The following LRRC58 variants were observed in gnomAD, a reference collection of about 807,000 sequenced individuals.
LRRC58 encodes leucine-rich repeat-containing protein 58.
A neutral mutation model predicts 30.6 loss-of-function variants in LRRC58; 18 were observed. That is an observed-to-expected ratio of 0.59 (90% CI 0.41 to 0.87). The LOEUF is 0.87. LRRC58 is among the 40% of genes least tolerant of loss of function. The pLI, the probability that LRRC58 is intolerant of heterozygous loss-of-function variation, is 0.00. For missense variants in LRRC58, 420 were observed against 468.4 expected (o/e 0.90, Z 0.95); for synonymous variants, 221 against 206.0 (o/e 1.07, Z -0.62).
intron 1 of LRRC58, among the ~76,000 whole-genome samples, chr3:120,348,177 C>G (rs1935998992): frequency 6.6e-6 from 1 of 152,178 alleles, no homozygotes; most frequent in Non-Finnish European, 1.5e-5. Context: ...GGAAACAGCA[C>G]GTGTACAGAG....
chr3:120,331,664 C>A (rs1235643065), intron 3 of LRRC58, among the ~76,000 whole-genome samples: 1 of 152,164 alleles, frequency 6.6e-6, no homozygotes, highest in Non-Finnish European at 1.5e-5. Flanking sequence ...TACCTAGCTT[C>A]TTTTCTCTGG....
rs1177362298 is a variant in LRRC58 at position 120,327,404 on chromosome 3, A to T, written c.*3796T>A. ...GTAGCTGGGACTACAGGCGCCCGCCATCACGCCCGGCTAATTTTTTTTTGT... is the reference window on the plus strand; with the variant it reads ...GTAGCTGGGACTACAGGCGCCCGCCTTCACGCCCGGCTAATTTTTTTTTGT... On this transcript the variant is annotated 3_prime_UTR_variant, in exon 4 of 4. Transcript: ENST00000295628. 1.3e-5 allele frequency: 2 copies of T among 151,020 alleles called. No individual in the cohort carries two copies. Among genetic ancestry groups the T allele is most frequent in the Non-Finnish European group, 3.0e-5 (2 of 67,760 alleles). The allele number at this position is 151,020 out of a possible 1,614,324, so 9.4% of individuals were successfully genotyped here.
In LRRC58 at chr3:120,349,037, G is replaced by C; in HGVS notation, c.207C>G (p.His69Gln). The C allele has an allele frequency of 2.0e-6, 3 of 1,518,350 alleles. No homozygotes were observed. Among genetic ancestry groups the C allele is most frequent in the Non-Finnish European group, 2.6e-6 (3 of 1,140,978 alleles). The allele number at this position is 1,518,350 out of a possible 1,614,324, so 94.1% of individuals were successfully genotyped here. ...TGCCGCTCACGTCCAGCAGCTGGAGGTGCGGGAAGCCGCTGCCCAGCGCCC... is the reference window on the plus strand; with the variant it reads ...TGCCGCTCACGTCCAGCAGCTGGAGCTGCGGGAAGCCGCTGCCCAGCGCCC... ...LPRALGSGFP[H>Q]LQLLDVSGNA... The change falls in exon 1 of 4, where the codon CAC (histidine) becomes CAG (glutamine). Residue 69 changes from histidine (H) to glutamine (Q), a missense_variant. His to Gln is a conservative substitution (Grantham distance 24, BLOSUM62 0). This residue lies in a region of LRRC58 where 266 missense variants were observed against 251.7 expected (regional missense o/e 1.06). Transcript: ENST00000295628.
intron 3 of LRRC58, 62 bp from the exon 4 acceptor site, chr3:120,331,470 C>T (rs1170422001): frequency 7.7e-7 from 1 of 1,293,854 alleles, no homozygotes; most frequent in African/African-American, 1.5e-5. Flanking sequence ...TCTTTTTCAG[C>T]CCTTTCTCCA....
chr3:120,341,653 ATTC>A (rs1398917540), intron 1 of LRRC58, among the ~76,000 whole-genome samples: 209 of 152,264 alleles, frequency 1.4e-3, no homozygotes, highest in Non-Finnish European at 2.5e-3. Flanking sequence ...TTCTTCTAGG[ATTC>A]CCAAGGCAAC....
chr3:120,348,672 C>T, intron 1 of LRRC58, 72 bp downstream of exon 1: 2 of 1,457,950 alleles, frequency 1.4e-6, no homozygotes, highest in Admixed American at 2.6e-5. Context: ...CGTTGAGGTG[C>T]CCAGGCCCGG....
At chr3:120,346,117 C>T (rs189203856) in intron 1 of LRRC58, among the ~76,000 whole-genome samples, 3 of 152,138 alleles carry the variant, frequency 2.0e-5, no homozygotes, top group Admixed American at 6.5e-5. Flanking sequence ...AATTAGCTGG[C>T]GTGATGGCAC....
intron 1 of LRRC58, among the ~76,000 whole-genome samples, chr3:120,345,937 A>G (rs1209041032): frequency 6.6e-6 from 1 of 152,210 alleles, no homozygotes; most frequent in East Asian, 1.9e-4. Context: ...AATCCTCCTG[A>G]TCACAAATCC....
At chr3:120,343,281 A>G (rs947879856) in intron 1 of LRRC58, among the ~76,000 whole-genome samples, 1 of 152,330 alleles carries the variant, frequency 6.6e-6, no homozygotes, top group South Asian at 2.1e-4. Flanking sequence ...CCAAATTTCT[A>G]GGGACTTGAC....
In LRRC58 at chr3:120,327,157, T is replaced by A. The variant is rs1200754661; in HGVS notation, c.*4043A>T. 6.6e-6 allele frequency: 1 copy of A among 152,110 alleles called. No individual in the cohort carries two copies. The highest frequency in any genetic ancestry group is 1.5e-5 in the Non-Finnish European group (1 of 68,018). The allele number at this position is 152,110 out of a possible 1,614,324, so 9.4% of individuals were successfully genotyped here. On this transcript the variant is annotated 3_prime_UTR_variant, in exon 4 of 4. Coordinates refer to ENST00000295628, the MANE Select transcript of LRRC58 (RefSeq NM_001099678.2). Reference sequence around the variant, plus strand: ...ACTCAATAACTTAATTTTAAAACAATTCACTATTACTTTAAAGGGCTTTCT... The same window carrying A: ...ACTCAATAACTTAATTTTAAAACAAATCACTATTACTTTAAAGGGCTTTCT...
intron 3 of LRRC58, among the ~76,000 whole-genome samples, chr3:120,334,450 A>G (rs1047466522): frequency 3.9e-4 from 60 of 152,118 alleles, no homozygotes; most frequent in African/African-American, 1.3e-3. Context: ...AGAGTTTGCA[A>G]TGAGCCGAGA....
chr3:120,331,362 GAA>G lies in LRRC58; in HGVS notation c.952_953del (p.Phe318LeufsTer33), dbSNP rs1339145785. ...CCVRQIKFVD[F>X]CGKYRLPLMH... ...TCAGTGGGAGGCGATACTTCCCACA[GAA>G]GTCCACAAATTTAATTTGTCTGACA... On this transcript the variant is annotated frameshift_variant, in exon 4 of 4. Transcript: ENST00000295628. LOFTEE classifies it high-confidence loss of function. 1.9e-6 allele frequency: 3 copies of G among 1,613,850 alleles called. No homozygotes were observed. Among genetic ancestry groups the G allele is most frequent in the Non-Finnish European group, 2.5e-6 (3 of 1,179,868 alleles).
At position 120,334,872 on chromosome 3, in the gene LRRC58, T is replaced by C. The variant is rs566009323; in HGVS notation, c.897A>G (p.Pro299=). 67 of 1,613,240 alleles carry C rather than the reference T, an allele frequency of 4.2e-5. 1 individual carries two copies. The South Asian group carries it at 7.2e-4, about 17-fold the overall frequency. ...ACTGAATTAACTTACCTCCACACTTTGGGTTTGGGCAATTGCTGGCTGAAC... is the reference window on the plus strand; with the variant it reads ...ACTGAATTAACTTACCTCCACACTTCGGGTTTGGGCAATTGCTGGCTGAAC... ...YLGSASNCPN[P]KCGGVYFDCC... is the part of the protein sequence containing the mutation. Residue 299 remains proline (P), a synonymous_variant, in exon 3 of 4, where the codon CCA becomes CCG. Transcript: ENST00000295628.
intron 1 of LRRC58, among the ~76,000 whole-genome samples, chr3:120,345,525 A>C (rs1307245848): frequency 7.2e-5 from 11 of 152,262 alleles, no homozygotes; most frequent in Admixed American, 6.5e-4. Flanking sequence ...GCATCATATT[A>C]GTAGTGAATA....
At chr3:120,344,717 C>G (rs1935945853) in intron 1 of LRRC58, among the ~76,000 whole-genome samples, 1 of 152,204 alleles carries the variant, frequency 6.6e-6, no homozygotes, top group South Asian at 2.1e-4. Flanking sequence ...AAATATCTAG[C>G]ATACTGGATT....
In LRRC58 at chr3:120,349,164, G is replaced by T; in HGVS notation, c.80C>A (p.Thr27Lys). The T allele has an allele frequency of 6.7e-7, 1 of 1,499,334 alleles. No homozygotes were observed. Among genetic ancestry groups the T allele is most frequent in the Non-Finnish European group, 8.8e-7 (1 of 1,132,854 alleles). The allele number at this position is 1,499,334 out of a possible 1,614,324, so 92.9% of individuals were successfully genotyped here. ...CCGCGCCTCCAGCTCAGACTCCAGC[G>T]TCTCGGTGGACACGCTGAGGCGGGA... ...NWSRLSVSTETLESELEARGE... is the reference protein window; with the variant it reads ...NWSRLSVSTEKLESELEARGE... The change falls in exon 1 of 4, where the codon ACG becomes AAG. Residue 27 changes from threonine (T) to lysine (K), a missense_variant. Thr to Lys is a moderately conservative substitution (Grantham distance 78). This residue lies in a region of LRRC58 where 266 missense variants were observed against 251.7 expected (regional missense o/e 1.06). Coordinates refer to ENST00000295628, the MANE Select transcript of LRRC58 (RefSeq NM_001099678.2).
chr3:120,348,934 C>T lies in LRRC58; in HGVS notation c.310G>A (p.Gly104Ser). 1 of 1,557,292 alleles carries T rather than the reference C, an allele frequency of 6.4e-7. No individual in the cohort carries two copies. The highest frequency in any genetic ancestry group is 8.7e-7 in the Non-Finnish European group (1 of 1,153,002). ...RTLLAKNNRL[G>S]GPSALPKGLA... The stretch of plus-strand genomic sequence containing the variant: ...CCCTTGGGCAGCGCACTGGGCCCGC[C>T]GAGCCGGTTGTTCTTGGCCAGCAGC... Residue 104 changes from glycine to serine, a missense_variant, in exon 1 of 4, where the codon GGC (glycine) becomes AGC (serine). Coordinates refer to ENST00000295628, the MANE Select transcript of LRRC58 (RefSeq NM_001099678.2).
In LRRC58 at chr3:120,348,831, G is replaced by A. The variant is rs1186753079; in HGVS notation, c.413C>T (p.Ser138Leu). 59 of 1,606,218 alleles carry A rather than the reference G, an allele frequency of 3.7e-5. No individual in the cohort carries two copies. Among genetic ancestry groups the A allele is most frequent in the Non-Finnish European group, 5.0e-5 (59 of 1,177,086 alleles). Residue 138 changes from serine (S) to leucine (L), a missense_variant, in exon 1 of 4, where the codon TCG (serine) becomes TTG (leucine). Physicochemically the swap from Ser to Leu is moderately radical, Grantham distance 145. This residue lies in a region of LRRC58 where 266 missense variants were observed against 251.7 expected (regional missense o/e 1.06). Transcript: ENST00000295628. ...CTGCAGCGCGCGCAGCTCTAAGAGC[G>A]AGGCAGGCACCTCCTGGAAACAGTT... ...SGNCFQEVPASLLELRALQTL... is the reference protein window; with the variant it reads ...SGNCFQEVPALLLELRALQTL...
chr3:120,339,304 A>G (rs1049825134), intron 1 of LRRC58, among the ~76,000 whole-genome samples: 2 of 151,996 alleles, frequency 1.3e-5, no homozygotes, highest in Non-Finnish European at 2.9e-5. Context: ...CCTTCTCTTC[A>G]TATCATCTTC....
Sources: allele counts gnomAD v4.1 joint callset (sites outside exome capture counted in the v4.1 genomes callset), GRCh38; gene constraint gnomAD v4.1.1; regional missense constraint gnomAD v4.1.1; transcripts MANE v1.5; gene names NCBI Gene and HGNC (gene_info 2026-07-23, HGNC 2026-07-21).